CUL9: variants seen among roughly 807,000 people sequenced by gnomAD.
The protein encoded by CUL9 is cullin-9.
CUL9 carries 79 observed loss-of-function variants against 272.6 expected under a neutral mutation model. The observed-to-expected ratio is 0.29, with a 90% confidence interval of 0.24 to 0.35. CUL9 has a LOEUF of 0.35. Among genes scored for constraint, CUL9 ranks in the 10% least tolerant of loss-of-function variants. The pLI, the probability that CUL9 is intolerant of heterozygous loss-of-function variation, is 1.00. For synonymous variants in CUL9, 1,186 were observed against 1,286.5 expected (o/e 0.92, Z 1.67); for missense variants, 2,532 against 3,255.6 (o/e 0.78, Z 5.41).
Position 43,220,411 on chromosome 6 carries a change from G to A in CUL9, c.6283-48G>A. 2 of 1,607,820 alleles carry A rather than the reference G, an allele frequency of 1.2e-6. No individual in the cohort carries two copies. Among genetic ancestry groups the A allele is most frequent in the Non-Finnish European group, 1.7e-6 (2 of 1,175,922 alleles). ...TTAGTTACCAGGACACTCCCCCTGT[G>A]CTGCTCCCACACTGTCTGTGAGCAG... is the stretch of plus-strand genomic sequence containing the variant. On this transcript the variant is annotated intron_variant, in intron 31 of 40. Transcript: ENST00000252050. The surrounding 1 kb of genome is among the most constrained non-coding windows in gnomAD (Gnocchi z 4.9).
Position 43,187,961 on chromosome 6 carries a change from G to A in CUL9, c.1830G>A (p.Glu610=), listed in dbSNP as rs368909436. Residue 610 remains glutamate (E), a synonymous_variant, in exon 7 of 41, where the codon GAG becomes GAA. Transcript: ENST00000252050. ...CCAGCTTCTCAGAGGAAGAGACTGA[G>A]TCCCTCAAAGCAAAGGCCGAGGCCC... The part of the protein sequence containing the change: ...SEASFSEEET[E]SLKAKAEAPK... 3.0e-5 allele frequency: 48 copies of A among 1,614,054 alleles called. No individual in the cohort carries two copies. In the African/African-American group the frequency reaches 6.1e-4, roughly 21 times the overall value.
Position 43,221,797 on chromosome 6 carries a change from G to A in CUL9, c.6846+19G>A. 1 of 1,606,656 alleles carries A rather than the reference G, an allele frequency of 6.2e-7. No homozygotes were observed. Among genetic ancestry groups the A allele is most frequent in the Non-Finnish European group, 8.5e-7 (1 of 1,178,234 alleles). ...TGCCATGGTAAGGCGCTGGGCACTA[G>A]GGGAGGGCAGAGGCCCAGAGCCGTC... is the stretch of plus-strand genomic sequence containing the variant. On this transcript the variant is annotated intron_variant, in intron 35 of 40. Transcript: ENST00000252050. The surrounding 1 kb of genome is among the most constrained non-coding windows in gnomAD (Gnocchi z 4.2).
Position 43,218,190 on chromosome 6 carries a change from TTATTA to T in CUL9, c.6282+1694_6282+1698del, listed in dbSNP as rs978965806. 2.0e-5 allele frequency among the ~76,000 whole-genome samples: 3 copies of T among 151,460 alleles called. No individual in the cohort carries two copies. Among genetic ancestry groups the T allele is most frequent in the Admixed American group, 6.6e-5 (1 of 15,222 alleles). ...ATTATCTGGTTTACATTTTTTATTTTTATTATATTATTTATTTATTTTTATTTTAT... is the reference window on the plus strand; with the variant it reads ...ATTATCTGGTTTACATTTTTTATTTTTATTATTTATTTATTTTTATTTTAT... On this transcript the variant is annotated intron_variant, in intron 31 of 40. Transcript: ENST00000252050. The surrounding 1 kb of genome is among the most constrained non-coding windows in gnomAD (Gnocchi z 4.4).
chr6:43,223,557 C>G lies in CUL9; in HGVS notation c.7284+160C>G. ...GCGCACATCCCGGCTTTTGGGCCAA[C>G]CTGCCTGATGCTGCTGGACCCTATC... On this transcript the variant is annotated intron_variant, in intron 39 of 40. Coordinates refer to ENST00000252050, the MANE Select transcript of CUL9 (RefSeq NM_015089.4). The surrounding 1 kb of genome is among the most constrained non-coding windows in gnomAD (Gnocchi z 4.1). 1 of 923,492 alleles carries G rather than the reference C, an allele frequency of 1.1e-6. No individual in the cohort carries two copies. Among genetic ancestry groups the G allele is most frequent in the Non-Finnish European group, 1.6e-6 (1 of 625,620 alleles). The allele number at this position is 923,492 out of a possible 1,614,324, so 57.2% of individuals were successfully genotyped here.
chr6:43,206,290 C>T lies in CUL9; in HGVS notation c.5023-31C>T, dbSNP rs751180586. 2.5e-6 allele frequency: 4 copies of T among 1,612,710 alleles called. No individual in the cohort carries two copies. In the African/African-American group the frequency reaches 4.0e-5, roughly 16 times the overall value. On this transcript the variant is annotated intron_variant, in intron 25 of 40. Coordinates refer to ENST00000252050, the MANE Select transcript of CUL9 (RefSeq NM_015089.4). This position sits in a 1 kb window ranked among gnomAD's most constrained non-coding sequence, Gnocchi z 4.8. ...GAAGACTAGACCAAGGAAGGGAGCC[C>T]AAGGGCCCTTGAAATCCTTCTGTCC... is the stretch of plus-strand genomic sequence containing the variant.
rs903555274 is a variant in CUL9 at position 43,218,735 on chromosome 6, G to T, written c.6283-1724G>T. Among the ~76,000 whole-genome samples the T allele has an allele frequency of 1.3e-5, 2 of 152,178 alleles. No individual in the cohort carries two copies. The highest frequency in any genetic ancestry group is 2.9e-5 in the Non-Finnish European group (2 of 68,030). On this transcript the variant is annotated intron_variant, in intron 31 of 40. Coordinates refer to ENST00000252050, the MANE Select transcript of CUL9 (RefSeq NM_015089.4). This position sits in a 1 kb window ranked among gnomAD's most constrained non-coding sequence, Gnocchi z 4.4. ...GTTAAATGTAGGGGCTTCAGACAGGGGAATCAAGGATGGTTCCTGTGCTTT... is the reference window on the plus strand; with the variant it reads ...GTTAAATGTAGGGGCTTCAGACAGGTGAATCAAGGATGGTTCCTGTGCTTT...
At chr6:43,205,665 A>G (rs1346558914) in intron 24 of CUL9, among the ~76,000 whole-genome samples, 1 of 152,106 alleles carries the variant, frequency 6.6e-6, no homozygotes, top group Non-Finnish European at 1.5e-5. Flanking sequence ...TACTAAAAAT[A>G]CAAAAATTAG....
chr6:43,221,315 G>A lies in CUL9; in HGVS notation c.6746G>A (p.Cys2249Tyr). 6.2e-7 allele frequency: 1 copy of A among 1,603,472 alleles called. No individual in the cohort carries two copies. Among genetic ancestry groups the A allele is most frequent in the South Asian group, 1.1e-5 (1 of 90,884 alleles). ...CQAPIEKNEG[C>Y]LHMTCAKCNH... ...GCTCCCATCGAGAAGAACGAGGGGT[G>A]CCTGCAGTAAGAAGGGGGGTACTGT... Residue 2249 changes from cysteine (C) to tyrosine (Y), a missense_variant, in exon 34 of 41, where the codon TGC becomes TAC. Cys to Tyr is a radical substitution (Grantham distance 194). Transcript: ENST00000252050. This position sits in a 1 kb window ranked among gnomAD's most constrained non-coding sequence, Gnocchi z 4.2.
At chr6:43,202,673 G>T (rs1386366819) in intron 16 of CUL9, 43 bp from the exon 17 acceptor site, 8 of 1,566,256 alleles carry the variant, frequency 5.1e-6, no homozygotes, top group Non-Finnish European at 6.2e-6. Flanking sequence ...GAGCCACCAC[G>T]TCCAGAGGCC....
At chr6:43,222,950 C>T (rs1776493704) in intron 38 of CUL9, 54 bp downstream of exon 38, 2 of 1,470,936 alleles carry the variant, frequency 1.4e-6, no homozygotes, top group African/African-American at 2.8e-5. Flanking sequence ...CTCTGTTGCA[C>T]AGCCCGGCCC....
chr6:43,202,642 A>G, intron 16 of CUL9, 74 bp from the exon 17 acceptor site: 1 of 1,327,148 alleles, frequency 7.5e-7, no homozygotes, highest in Non-Finnish European at 1.1e-6. Flanking sequence ...CAGCCTCCCA[A>G]AGTGTTGGGA....
Position 43,221,980 on chromosome 6 carries a change from G to C in CUL9, c.6846+202G>C. The C allele has an allele frequency of 3.3e-6, 2 of 602,934 alleles. No individual in the cohort carries two copies. Among genetic ancestry groups the C allele is most frequent in the East Asian group, 5.5e-5 (2 of 36,084 alleles). 37.3% of individuals were successfully genotyped at this position (602,934 alleles called of 1,614,324 possible). ...CACAGGGACCTTCAGCTCCAGAACA[G>C]GACTTCTCATACCGAGGTGGCTACA... is the stretch of plus-strand genomic sequence containing the variant. On this transcript the variant is annotated intron_variant, in intron 35 of 40. Coordinates refer to ENST00000252050, the MANE Select transcript of CUL9 (RefSeq NM_015089.4). This position sits in a 1 kb window ranked among gnomAD's most constrained non-coding sequence, Gnocchi z 4.2.
At position 43,213,046 on chromosome 6, in the gene CUL9, C is replaced by T. The variant is rs937783395; in HGVS notation, c.5213-103C>T. 4 of 1,309,178 alleles carry T rather than the reference C, an allele frequency of 3.1e-6. No individual in the cohort carries two copies. In the African/African-American group the frequency reaches 5.9e-5, roughly 19 times the overall value. 81.1% of individuals were successfully genotyped at this position (1,309,178 alleles called of 1,614,324 possible). ...CTCTGTCTGAAAATGCTGGGGCCCT[C>T]CTCCCCATAGGGACTAGTAGGAGCA... On this transcript the variant is annotated intron_variant, in intron 26 of 40. Coordinates refer to ENST00000252050, the MANE Select transcript of CUL9 (RefSeq NM_015089.4). This position sits in a 1 kb window ranked among gnomAD's most constrained non-coding sequence, Gnocchi z 5.7.
rs151050685 is a variant in CUL9, at chr6:43,186,134, C to A, written c.930C>A (p.Ile310=). 1 of 1,614,242 alleles carries A rather than the reference C, an allele frequency of 6.2e-7. No homozygotes were observed. Among genetic ancestry groups the A allele is most frequent in the Admixed American group, 1.7e-5 (1 of 60,032 alleles). The change falls in exon 4 of 41, where the codon ATC becomes ATA. Residue 310 remains isoleucine, a synonymous_variant. Coordinates refer to ENST00000252050, the MANE Select transcript of CUL9 (RefSeq NM_015089.4). ...TCAGCATGGCTGTGGGCAACCTCATCTCTGAGCTTGTGCGGAGCATGGGCT... is the reference window on the plus strand; with the variant it reads ...TCAGCATGGCTGTGGGCAACCTCATATCTGAGCTTGTGCGGAGCATGGGCT... ...LEFSMAVGNL[I]SELVRSMGWA...
rs1774364160 is a variant in CUL9 at position 43,199,895 on chromosome 6, T to G, written c.3157-34T>G. On this transcript the variant is annotated intron_variant, in intron 13 of 40. Transcript: ENST00000252050. The surrounding 1 kb of genome is among the most constrained non-coding windows in gnomAD (Gnocchi z 4.4). Reference sequence around the variant, plus strand: ...ATCCTTACATGTCCTACCTCTTGTTTCCTGTAAATTAATCTATGTGGCTCT... The same window carrying G: ...ATCCTTACATGTCCTACCTCTTGTTGCCTGTAAATTAATCTATGTGGCTCT... The G allele has an allele frequency of 1.3e-6, 2 of 1,537,420 alleles. No homozygotes were observed. The highest frequency in any genetic ancestry group is 1.4e-5 in the African/African-American group (1 of 73,518).
intron 17 of CUL9, 77 bp downstream of exon 17, chr6:43,202,898 C>G (rs1008508497): frequency 2.1e-6 from 3 of 1,425,776 alleles, no homozygotes; most frequent in African/African-American, 2.8e-5. Context: ...AGGACCTAGT[C>G]CCTGGGGAAT....
At chr6:43,197,714 C>T (rs1774142729) in intron 11 of CUL9, among the ~76,000 whole-genome samples, 1 of 152,106 alleles carries the variant, frequency 6.6e-6, no homozygotes, top group Non-Finnish European at 1.5e-5. Context: ...GAACTCCTGA[C>T]CTCGTGATCT....
At chr6:43,185,043 G>C in intron 2 of CUL9, 138 bp downstream of exon 2, 1 of 703,638 alleles carries the variant, frequency 1.4e-6, no homozygotes, top group Non-Finnish European at 2.3e-6. Context: ...AAAAAATATA[G>C]ATTAATAGGC....
Position 43,200,945 on chromosome 6 carries a change from C to A in CUL9, c.3647+111C>A. 7.2e-7 allele frequency: 1 copy of A among 1,390,696 alleles called. No homozygotes were observed. The allele number at this position is 1,390,696 out of a possible 1,614,324, so 86.1% of individuals were successfully genotyped here. A position where few individuals can be genotyped will look rare whatever the true frequency, so the allele number is the denominator to read the frequency against. ...CCAATGCCTGAGGGACACACTCAAA[C>A]CTATTTTGTGCAGTGAACACATAGA... is the stretch of plus-strand genomic sequence containing the variant. On this transcript the variant is annotated intron_variant, in intron 16 of 40. Coordinates refer to ENST00000252050, the MANE Select transcript of CUL9 (RefSeq NM_015089.4). The surrounding 1 kb of genome is among the most constrained non-coding windows in gnomAD (Gnocchi z 4.0).
Sources: allele counts gnomAD v4.1 joint callset (sites outside exome capture counted in the v4.1 genomes callset), GRCh38; gene constraint gnomAD v4.1.1; non-coding constraint Gnocchi (gnomAD v3.1); transcripts MANE v1.5; gene names NCBI Gene and HGNC (gene_info 2026-07-23, HGNC 2026-07-21).